Variants in TMEM163 observed in about 807,000 individuals in gnomAD.
TMEM163 encodes transmembrane protein 163.
TMEM163 carries 17 observed loss-of-function variants against 29.3 expected under a neutral mutation model. The ratio of observed to expected loss-of-function variants is 0.58; its 90% confidence interval spans 0.40 to 0.87. The LOEUF (loss-of-function observed/expected upper bound fraction) is 0.87, where lower values mean the gene tolerates loss of function less well. Among genes scored for constraint, TMEM163 ranks in the 40% least tolerant of loss-of-function variants. The probability of loss-of-function intolerance (pLI) is 0.00; values close to 1 mark genes in which losing one functional copy is unlikely to be tolerated. For missense variants in TMEM163, 303 were observed against 381.5 expected, an observed-to-expected ratio of 0.79 and a Z score of 1.71; for synonymous variants, 157 against 160.6, an observed-to-expected ratio of 0.98 and a Z score of 0.17.
At chr2:134,642,846 G>A (rs1683251562) in intron 2 of TMEM163, among the ~76,000 whole-genome samples, 1 of 152,084 alleles carries the variant, frequency 6.6e-6, no homozygotes, top group Non-Finnish European at 1.5e-5. Flanking sequence ...ATTAAAATTT[G>A]TGGGATACAG....
chr2:134,664,040 C>T (rs1206505433), intron 2 of TMEM163, among the ~76,000 whole-genome samples: 1 of 152,234 alleles, frequency 6.6e-6, no homozygotes, highest in Admixed American at 6.5e-5. Context: ...TGCCTCTCCT[C>T]CTCCCATCTG....
intron 2 of TMEM163, among the ~76,000 whole-genome samples, chr2:134,660,399 G>T (rs929132270): frequency 1.3e-5 from 2 of 152,116 alleles, no homozygotes; most frequent in South Asian, 2.1e-4. Context: ...GGGAGAGGGG[G>T]CAGATTCGAG....
chr2:134,497,468 G>T (rs1219679343), intron 5 of TMEM163, among the ~76,000 whole-genome samples: 1 of 152,190 alleles, frequency 6.6e-6, no homozygotes, highest in African/African-American at 2.4e-5. Flanking sequence ...AAGAGCGCAA[G>T]GTGAAGAGGT....
In TMEM163 at chr2:134,671,394, C is replaced by A. The variant is rs551543731; in HGVS notation, c.322+41806G>T. On this transcript the variant is annotated intron_variant, in intron 2 of 7. Transcript: ENST00000281924. ...TACTTCTCCCCAAACCATTTCAGAT[C>A]CAGCCACAGATGACCATGGCGCTGC... Among the ~76,000 whole-genome samples, 12 of 152,254 alleles carry A rather than the reference C, an allele frequency of 7.9e-5. 1 individual carries two copies. Among genetic ancestry groups the A allele is most frequent in the South Asian group, 4.1e-4 (2 of 4,828 alleles).
intron 1 of TMEM163, among the ~76,000 whole-genome samples, chr2:134,714,436 TA>T (rs1684995861): frequency 6.6e-6 from 1 of 152,180 alleles, no homozygotes; most frequent in Non-Finnish European, 1.5e-5. Flanking sequence ...ACGCATCACA[TA>T]AAAGACACCA....
chr2:134,495,689 G>A (rs1679534824), intron 5 of TMEM163, among the ~76,000 whole-genome samples: 1 of 152,176 alleles, frequency 6.6e-6, no homozygotes. Flanking sequence ...GACCAAACAA[G>A]AATGGAGTCG....
intron 2 of TMEM163, among the ~76,000 whole-genome samples, chr2:134,626,195 C>T (rs575072889): frequency 6.6e-6 from 1 of 150,858 alleles, no homozygotes; most frequent in Admixed American, 6.6e-5. Flanking sequence ...ACCTCCACCC[C>T]CTGGGTTCAA....
At chr2:134,707,053 C>T (rs1251487663) in intron 2 of TMEM163, among the ~76,000 whole-genome samples, 2 of 152,190 alleles carry the variant, frequency 1.3e-5, no homozygotes, top group African/African-American at 2.4e-5. Context: ...CCCAAGCACA[C>T]CCACAGGGAG....
At chr2:134,483,656 C>T (rs145650047) in intron 5 of TMEM163, among the ~76,000 whole-genome samples, 20 of 152,308 alleles carry the variant, frequency 1.3e-4, no homozygotes, top group Middle Eastern at 6.8e-3. Context: ...TGCCCCCCGG[C>T]CTTAAGATCA....
intron 2 of TMEM163, among the ~76,000 whole-genome samples, chr2:134,603,854 G>C (rs1420441750): frequency 6.7e-6 from 1 of 148,748 alleles, no homozygotes; most frequent in Non-Finnish European, 1.5e-5. Flanking sequence ...GGGGAGGGGA[G>C]GGGAGGGAAC....
intron 6 of TMEM163, among the ~76,000 whole-genome samples, chr2:134,459,712 C>T (rs34432035): frequency 0.14 from 20,912 of 151,488 alleles, 2,606 homozygotes; most frequent in East Asian, 0.35. Context: ...GACAGGCCCC[C>T]TTTTGGTGGG....
chr2:134,662,721 C>T (rs529710892), intron 2 of TMEM163, among the ~76,000 whole-genome samples: 3 of 152,328 alleles, frequency 2.0e-5, no homozygotes, highest in African/African-American at 7.2e-5. Context: ...TCCACCAGTG[C>T]TCCTGGGACT....
intron 4 of TMEM163, among the ~76,000 whole-genome samples, chr2:134,531,733 T>G (rs1680420808): frequency 1.3e-5 from 2 of 152,238 alleles, no homozygotes; most frequent in Admixed American, 1.3e-4. Context: ...ACCCTCCACG[T>G]GTTCAGGTAT....
intron 2 of TMEM163, among the ~76,000 whole-genome samples, chr2:134,583,803 T>A (rs1681750115): frequency 6.6e-6 from 1 of 152,156 alleles, no homozygotes; most frequent in Non-Finnish European, 1.5e-5. Context: ...CTCAGGCCCA[T>A]GGCTTGCTCT....
intron 2 of TMEM163, among the ~76,000 whole-genome samples, chr2:134,699,007 A>G (rs960202882): frequency 3.7e-4 from 57 of 152,232 alleles, no homozygotes; most frequent in Non-Finnish European, 7.3e-5. Flanking sequence ...AGTAAGGCAT[A>G]AAATGAATTT....
At position 134,544,174 on chromosome 2, in the gene TMEM163, C is replaced by T. The variant is rs1469606636; in HGVS notation, c.458+6396G>A. ...GGCAAGCATCCCATGGCCCTCGCAG[C>T]TGATGGTGGCAGGAGGCTGTTCTTC... On this transcript the variant is annotated intron_variant, in intron 4 of 7. Coordinates refer to ENST00000281924, the MANE Select transcript of TMEM163 (RefSeq NM_030923.5). Among the ~76,000 whole-genome samples the T allele has an allele frequency of 3.3e-5, 5 of 152,184 alleles. No homozygotes were observed. In the East Asian group the frequency reaches 9.6e-4, roughly 29 times the overall value.
At chr2:134,610,727 G>T (rs1321665536) in intron 2 of TMEM163, among the ~76,000 whole-genome samples, 1 of 152,156 alleles carries the variant, frequency 6.6e-6, no homozygotes, top group African/African-American at 2.4e-5. Context: ...TCAGAAATTT[G>T]AACACAGTTT....
At chr2:134,548,915 A>T (rs1680847073) in intron 4 of TMEM163, among the ~76,000 whole-genome samples, 1 of 152,210 alleles carries the variant, frequency 6.6e-6, no homozygotes, top group Non-Finnish European at 1.5e-5. Flanking sequence ...GTGCTTAAAA[A>T]GCTTTGAATT....
chr2:134,498,349 G>A (rs1034047289), intron 5 of TMEM163, among the ~76,000 whole-genome samples: 6 of 143,632 alleles, frequency 4.2e-5, no homozygotes, highest in African/African-American at 1.5e-4. Flanking sequence ...GCACTTGCAT[G>A]TGGGCTTTTT....
Sources: gnomAD v4.1 joint callset for allele counts (sites outside exome capture counted in the v4.1 genomes callset) on GRCh38, gnomAD v4.1.1 for gene constraint, MANE v1.5 for transcripts, NCBI Gene and HGNC (gene_info 2026-07-23, HGNC 2026-07-21) for gene names.